GTF2F2: variants seen among roughly 807,000 people sequenced by gnomAD.
GTF2F2 encodes the protein ATP-dependent helicase GTF2F2.
GTF2F2 carries 23 observed loss-of-function variants against 42.2 expected under a neutral mutation model. The observed-to-expected ratio is 0.55, with a 90% CI of 0.39 to 0.77. GTF2F2 has a LOEUF of 0.77. Ranked by LOEUF, GTF2F2 falls within the 30% of genes least tolerant of loss-of-function variation. The pLI is 0.00. For synonymous variants in GTF2F2, 105 were observed against 100.8 expected (o/e 1.04, Z -0.25); for missense variants, 261 against 287.2 (o/e 0.91, Z 0.66).
intron 4 of GTF2F2, 89 bp from the exon 5 acceptor site, chr13:45,207,335 G>T: frequency 1.4e-6 from 1 of 713,666 alleles, no homozygotes; most frequent in South Asian, 1.8e-5. Context: ...AATTATATTT[G>T]ATTGTCATAT....
intron 4 of GTF2F2, among the ~76,000 whole-genome samples, chr13:45,180,900 G>A (rs986930964): frequency 2.0e-5 from 3 of 152,010 alleles, no homozygotes; most frequent in Admixed American, 6.6e-5. Context: ...GGTGGGTCAC[G>A]CCTATAATCC....
chr13:45,216,006 C>T (rs765955802), intron 5 of GTF2F2, among the ~76,000 whole-genome samples: 31 of 152,114 alleles, frequency 2.0e-4, no homozygotes, highest in Middle Eastern at 6.8e-3. Flanking sequence ...AATCCCGGCA[C>T]TTTGGGAGGC....
At chr13:45,204,348 C>T (rs1873334730) in intron 4 of GTF2F2, among the ~76,000 whole-genome samples, 1 of 152,098 alleles carries the variant, frequency 6.6e-6, no homozygotes, top group Non-Finnish European at 1.5e-5. Context: ...CTGATGTGCT[C>T]TTGCATTGTC....
At chr13:45,211,002 G>A (rs1873609339) in intron 5 of GTF2F2, among the ~76,000 whole-genome samples, 1 of 152,198 alleles carries the variant, frequency 6.6e-6, no homozygotes, top group South Asian at 2.1e-4. Flanking sequence ...ATAGCTGGAG[G>A]TAGAGCCAAT....
chr13:45,283,398 T>TG (rs1382847344), intron 7 of GTF2F2, 44 bp from the exon 8 acceptor site: 1 of 1,564,364 alleles, frequency 6.4e-7, no homozygotes, highest in South Asian at 1.2e-5. Flanking sequence ...TTTTGTCCCC[T>TG]GCATTTATAA....
At chr13:45,220,020 A>G (rs1459398755) in intron 5 of GTF2F2, among the ~76,000 whole-genome samples, 2 of 152,244 alleles carry the variant, frequency 1.3e-5, no homozygotes, top group South Asian at 2.1e-4. Flanking sequence ...ACGCGGCTCC[A>G]TTAGGGCAAA....
intron 4 of GTF2F2, among the ~76,000 whole-genome samples, chr13:45,191,337 A>G (rs1282783032): frequency 1.3e-5 from 2 of 148,220 alleles, no homozygotes; most frequent in Non-Finnish European, 3.0e-5. Flanking sequence ...TGTTTGGCTC[A>G]TGGCAACTAT....
chr13:45,202,062 C>G (rs1373841262), intron 4 of GTF2F2, among the ~76,000 whole-genome samples: 2 of 152,108 alleles, frequency 1.3e-5, no homozygotes, highest in Non-Finnish European at 2.9e-5. Flanking sequence ...ACCCATTTTT[C>G]AAGGTCCAGC....
At chr13:45,216,788 G>T (rs1469685068) in intron 5 of GTF2F2, among the ~76,000 whole-genome samples, 1 of 151,718 alleles carries the variant, frequency 6.6e-6, no homozygotes, top group Admixed American at 6.6e-5. Flanking sequence ...CCAAGTGCTG[G>T]GATTACAGGC....
At chr13:45,226,603 C>T (rs993980910) in intron 5 of GTF2F2, among the ~76,000 whole-genome samples, 1 of 152,018 alleles carries the variant, frequency 6.6e-6, no homozygotes, top group Admixed American at 6.6e-5. Context: ...TTTCTTAATT[C>T]TTCTTACCTG....
chr13:45,223,740 C>T (rs1484899082), intron 5 of GTF2F2, among the ~76,000 whole-genome samples: 2 of 152,162 alleles, frequency 1.3e-5, no homozygotes. Flanking sequence ...GAATAAATGA[C>T]AGTACTGTGC....
intron 1 of GTF2F2, among the ~76,000 whole-genome samples, chr13:45,134,289 A>G (rs894167936): frequency 6.6e-6 from 1 of 152,166 alleles, no homozygotes; most frequent in Non-Finnish European, 1.5e-5. Flanking sequence ...AAGAAAGGGC[A>G]CACACCCTTG....
rs188429628 is a variant in GTF2F2, at chr13:45,159,664, G to A, written c.304+7833G>A. On this transcript the variant is annotated intron_variant, in intron 4 of 7. Coordinates refer to ENST00000340473, the MANE Select transcript of GTF2F2 (RefSeq NM_004128.3). ...ATTTTTTGTGTTTTTATTAGAGACG[G>A]GGTTTTGCCATGTTGCCTAGGCTGT... is the stretch of plus-strand genomic sequence containing the variant. Among the ~76,000 whole-genome samples the A allele has an allele frequency of 9.3e-4, 141 of 152,254 alleles. 2 individuals are homozygous for A. In the East Asian group the frequency reaches 0.02, roughly 22 times the overall value.
At chr13:45,185,402 T>C (rs1390799337) in intron 4 of GTF2F2, among the ~76,000 whole-genome samples, 1 of 151,572 alleles carries the variant, frequency 6.6e-6, no homozygotes, top group Non-Finnish European at 1.5e-5. Context: ...TTGGCTGTGT[T>C]GTAACACCAA....
chr13:45,282,277 G>A (rs1877299266), intron 7 of GTF2F2, among the ~76,000 whole-genome samples: 1 of 151,702 alleles, frequency 6.6e-6, no homozygotes, highest in African/African-American at 2.4e-5. Context: ...ATTTATATTG[G>A]TCAGCTTATT....
In GTF2F2 at chr13:45,228,710, G is replaced by A. The variant is rs1243599420; in HGVS notation, c.386+21205G>A. 2.8e-5 allele frequency among the ~76,000 whole-genome samples: 3 copies of A among 107,484 alleles called. No individual in the cohort carries two copies. In the East Asian group the frequency reaches 7.1e-4, roughly 26 times the overall value. The allele number at this position is 107,484 out of a possible 152,430, so 70.5% of individuals were successfully genotyped here. On this transcript the variant is annotated intron_variant, in intron 5 of 7. Transcript: ENST00000340473. ...TTTGAGACGGAGTTTTGCTCTTGTT[G>A]CCCAGGCTGGAGTGCAACGGCATGA...
chr13:45,203,154 G>A (rs942969897), intron 4 of GTF2F2, among the ~76,000 whole-genome samples: 4 of 151,946 alleles, frequency 2.6e-5, no homozygotes, highest in African/African-American at 4.8e-5. Flanking sequence ...TCAGCTCATT[G>A]CAACCTCTAC....
At chr13:45,234,593 T>C (rs746445405) in intron 5 of GTF2F2, among the ~76,000 whole-genome samples, 3 of 152,208 alleles carry the variant, frequency 2.0e-5, no homozygotes, top group Non-Finnish European at 4.4e-5. Flanking sequence ...AGTTATAAAA[T>C]GATTATTAAG....
intron 4 of GTF2F2, among the ~76,000 whole-genome samples, chr13:45,196,649 A>G (rs947185593): frequency 2.0e-5 from 3 of 152,218 alleles, no homozygotes; most frequent in Non-Finnish European, 4.4e-5. Flanking sequence ...TTAGTACAAC[A>G]TAACTGTAGT....
Sources: gnomAD v4.1 joint callset for allele counts (sites outside exome capture counted in the v4.1 genomes callset) on GRCh38, gnomAD v4.1.1 for gene constraint, MANE v1.5 for transcripts, NCBI Gene and HGNC (gene_info 2026-07-23, HGNC 2026-07-21) for gene names.